Variants in MAN1B1 observed in about 807,000 individuals in gnomAD.
MAN1B1 encodes the protein endoplasmic reticulum mannosyl-oligosaccharide 1,2-alpha-mannosidase.
Under a neutral mutation model 75.5 loss-of-function variants are expected in MAN1B1, and 66 were observed. The ratio of observed to expected loss-of-function variants is 0.87; its 90% CI spans 0.72 to 1.07. The LOEUF (loss-of-function observed/expected upper bound fraction) is 1.07, where lower values mean the gene tolerates loss of function less well. MAN1B1 is among the 50% of genes least tolerant of loss of function. The probability of loss-of-function intolerance (pLI) is 0.00; values close to 1 mark genes in which losing one functional copy is unlikely to be tolerated. For synonymous variants in MAN1B1, 453 were observed against 382.8 expected, an observed-to-expected ratio of 1.18 and a Z score of -2.14; for missense variants, 973 against 912.5, an observed-to-expected ratio of 1.07 and a Z score of -0.85.
In MAN1B1 at chr9:137,101,581, G is replaced by C. The variant is rs778873022; in HGVS notation, c.1163G>C (p.Arg388Pro). ...NIGTGVAHPP[R>P]WTSDSTVAEV... ...GGTACTGGAGTTGCCCACCCGCCACGGTGGACCTCCGACAGCACTGTGGCC... is the reference window on the plus strand; with the variant it reads ...GGTACTGGAGTTGCCCACCCGCCACCGTGGACCTCCGACAGCACTGTGGCC... The change falls in exon 8 of 13, where the codon CGG (arginine) becomes CCG (proline). Residue 388 changes from arginine to proline, a missense_variant. Physicochemically the swap from Arg to Pro is moderately radical, Grantham distance 103. Transcript: ENST00000371589. 6.2e-7 allele frequency: 1 copy of C among 1,613,756 alleles called. No individual in the cohort carries two copies. Among genetic ancestry groups the C allele is most frequent in the Non-Finnish European group, 8.5e-7 (1 of 1,180,046 alleles).
At chr9:137,097,769 G>A (rs1830692715) in intron 4 of MAN1B1, 59 bp from the exon 5 acceptor site, 5 of 1,333,410 alleles carry the variant, frequency 3.7e-6, no homozygotes, top group African/African-American at 1.5e-5. Context: ...GCGTGGGGGT[G>A]GGAAACATGG....
intron 4 of MAN1B1, among the ~76,000 whole-genome samples, chr9:137,096,926 C>T (rs528672393): frequency 1.2e-4 from 19 of 152,342 alleles, no homozygotes; most frequent in Non-Finnish European, 2.4e-4. Flanking sequence ...AAGGGTTCCC[C>T]GCAGACGTCC....
chr9:137,097,959 T>A lies in MAN1B1; in HGVS notation c.730+22T>A, dbSNP rs367647137. 3,528 of 1,524,196 alleles carry A rather than the reference T, an allele frequency of 2.3e-3. 4 individuals carry two copies. Among genetic ancestry groups the A allele is most frequent in the Admixed American group, 4.1e-3 (208 of 50,962 alleles). 94.4% of individuals were successfully genotyped at this position (1,524,196 alleles called of 1,614,324 possible). A position where few individuals can be genotyped will look rare whatever the true frequency, so the allele number is the denominator to read the frequency against. On this transcript the variant is annotated intron_variant, in intron 5 of 12. Transcript: ENST00000371589. Reference sequence around the variant, plus strand: ...CCAGGTGAGGCCACACCTGCACCCCTTCCTCCCCGGGCGCTCAGGGGCTGG... The same window carrying A: ...CCAGGTGAGGCCACACCTGCACCCCATCCTCCCCGGGCGCTCAGGGGCTGG...
intron 8 of MAN1B1, chr9:137,102,160 C>A: frequency 7.6e-6 from 3 of 396,910 alleles, no homozygotes; most frequent in South Asian, 3.3e-5. Flanking sequence ...TGCTGTTACA[C>A]ACATTCCTGC....
intron 8 of MAN1B1, chr9:137,103,302 A>T: frequency 6.9e-6 from 3 of 433,590 alleles, no homozygotes; most frequent in Middle Eastern, 6.9e-4. Context: ...TGGTACATTC[A>T]TGCTGTTGCA....
chr9:137,096,324 G>A lies in MAN1B1; in HGVS notation c.553G>A (p.Ala185Thr). The change falls in exon 4 of 13, where the codon GCC (alanine) becomes ACC (threonine). Residue 185 changes from alanine (A) to threonine (T), a missense_variant. Coordinates refer to ENST00000371589, the MANE Select transcript of MAN1B1 (RefSeq NM_016219.5). ...CCTGAAGGATGGGACCCAGGAGGAGGCCACAAAAAGGCAAGAAGCCCCTGT... is the reference window on the plus strand; with the variant it reads ...CCTGAAGGATGGGACCCAGGAGGAGACCACAAAAAGGCAAGAAGCCCCTGT... ...QDLKDGTQEE[A>T]TKRQEAPVDP... 1 of 1,614,048 alleles carries A rather than the reference G, an allele frequency of 6.2e-7. No homozygotes were observed. Among genetic ancestry groups the A allele is most frequent in the Non-Finnish European group, 8.5e-7 (1 of 1,180,028 alleles).
At position 137,108,428 on chromosome 9, in the gene MAN1B1, A is replaced by G; in HGVS notation, c.1937A>G (p.Asp646Gly). ...TATTCTTCCATCAACAATGTCCAGG[A>G]TCCTCAGAAGCCCGAGCCTAGGGAC... ...GGYSSINNVQ[D>G]PQKPEPRDKM... The change falls in exon 13 of 13, where the codon GAT (aspartate) becomes GGT (glycine). Residue 646 changes from aspartate to glycine, a missense_variant. Physicochemically the swap from Asp to Gly is moderately conservative, Grantham distance 94. Coordinates refer to ENST00000371589, the MANE Select transcript of MAN1B1 (RefSeq NM_016219.5). 2 of 1,613,802 alleles carry G rather than the reference A, an allele frequency of 1.2e-6. No homozygotes were observed. The highest frequency in any genetic ancestry group is 1.7e-6 in the Non-Finnish European group (2 of 1,179,992).
In MAN1B1 at chr9:137,101,191, C is replaced by T. The variant is rs745482315; in HGVS notation, c.1065+38C>T. 3 of 1,611,922 alleles carry T rather than the reference C, an allele frequency of 1.9e-6. No homozygotes were observed. In the Admixed American group the frequency reaches 5.0e-5, roughly 27 times the overall value. On this transcript the variant is annotated intron_variant, in intron 7 of 12. Transcript: ENST00000371589. Reference sequence around the variant, plus strand: ...GGGTGTCCTGCAGGGAGATGGTGGACTCGCATTCAAGCAGTTACCCCTTTA... The same window carrying T: ...GGGTGTCCTGCAGGGAGATGGTGGATTCGCATTCAAGCAGTTACCCCTTTA...
intron 3 of MAN1B1, among the ~76,000 whole-genome samples, chr9:137,092,817 G>A (rs1453422391): frequency 6.6e-6 from 1 of 152,206 alleles, no homozygotes; most frequent in Non-Finnish European, 1.5e-5. Context: ...GGATGCTTGT[G>A]TGTCTTGCCT....
At chr9:137,100,022 C>A in intron 6 of MAN1B1, 141 bp downstream of exon 6, 2 of 971,514 alleles carry the variant, frequency 2.1e-6, no homozygotes, top group Non-Finnish European at 1.6e-6. Context: ...CGGGAGTGGA[C>A]GTGTTGGCTG....
rs149339002 is a variant in MAN1B1, at chr9:137,106,742, G to A, written c.1499G>A (p.Arg500Gln). 2,686 of 1,613,496 alleles carry A rather than the reference G, an allele frequency of 1.7e-3. 22 individuals carry two copies. The highest frequency in any genetic ancestry group is 7.1e-3 in the East Asian group (319 of 44,888). ...GAGGGTGTCAGAACGCACCTGCTGC[G>A]GCACTCCGAGCCCAGTAAGCTCACC... ...AIEGVRTHLL[R>Q]HSEPSKLTFV... Residue 500 changes from arginine (R) to glutamine (Q), a missense_variant, in exon 10 of 13, where the codon CGG becomes CAG. Physicochemically the swap from Arg to Gln is conservative, Grantham distance 43. Transcript: ENST00000371589.
At chr9:137,090,374 C>T (rs1042161339) in intron 3 of MAN1B1, among the ~76,000 whole-genome samples, 3 of 152,054 alleles carry the variant, frequency 2.0e-5, no homozygotes, top group Non-Finnish European at 4.4e-5. Context: ...GGACAGACAG[C>T]GCTTTCTAAC....
At chr9:137,100,971 T>C (rs1302765861) in intron 6 of MAN1B1, 34 bp from the exon 7 acceptor site, 2 of 1,613,612 alleles carry the variant, frequency 1.2e-6, no homozygotes, top group Admixed American at 3.3e-5. Context: ...AGCCATCCAT[T>C]TGTCTCTGCA....
At chr9:137,105,812 A>G (rs1381675214) in intron 8 of MAN1B1, 3 of 541,098 alleles carry the variant, frequency 5.5e-6, no homozygotes, top group East Asian at 4.3e-5. Flanking sequence ...TCGTGAGGAC[A>G]GTGCCTGTGG....
intron 12 of MAN1B1, chr9:137,108,084 C>T (rs550824170): frequency 4.1e-5 from 25 of 605,274 alleles, no homozygotes; most frequent in East Asian, 8.2e-5. Context: ...CTGAGGCCCC[C>T]GCTGCCTCCG....
At chr9:137,099,388 A>G (rs1588598082) in intron 5 of MAN1B1, among the ~76,000 whole-genome samples, 1 of 152,212 alleles carries the variant, frequency 6.6e-6, no homozygotes, top group Non-Finnish European at 1.5e-5. Flanking sequence ...ACCGAGGCCC[A>G]AGGAGGGTGT....
At position 137,087,208 on chromosome 9, in the gene MAN1B1, C is replaced by A; in HGVS notation, c.209C>A (p.Ser70Ter). ...AACAGCAAGAGTTGGCGGCGGCGCT[C>A]GTGCTGGAGGGTGAGGGTCGCGCCG... ...YDNSKSWRRR[S>*]CWRKWKQLSR... Residue 70 changes from serine to a stop codon, truncating the protein, a stop_gained, in exon 1 of 13, where the codon TCG (serine) becomes TAG (stop). Coordinates refer to ENST00000371589, the MANE Select transcript of MAN1B1 (RefSeq NM_016219.5). LOFTEE classifies it high-confidence loss of function. 6.3e-7 allele frequency: 1 copy of A among 1,579,024 alleles called. No individual in the cohort carries two copies. Among genetic ancestry groups the A allele is most frequent in the South Asian group, 1.2e-5 (1 of 86,828 alleles).
chr9:137,098,024 G>T, intron 5 of MAN1B1, 87 bp downstream of exon 5: 1 of 1,042,256 alleles, frequency 9.6e-7, no homozygotes, highest in South Asian at 1.4e-5. Context: ...CATGGTGGGT[G>T]GCGCCCCCGC....
At chr9:137,092,830 A>G (rs1321650206) in intron 3 of MAN1B1, among the ~76,000 whole-genome samples, 2 of 152,146 alleles carry the variant, frequency 1.3e-5, no homozygotes. Flanking sequence ...TCTTGCCTAG[A>G]AGCAGGGACA....
Sources: allele counts gnomAD v4.1 joint callset (sites outside exome capture counted in the v4.1 genomes callset), GRCh38; gene constraint gnomAD v4.1.1; transcripts MANE v1.5; gene names NCBI Gene and HGNC (gene_info 2026-07-23, HGNC 2026-07-21).